CNMD: variants seen among roughly 807,000 people sequenced by gnomAD.
CNMD encodes leukocyte cell-derived chemotaxin 1.
In CNMD, 30 loss-of-function variants were observed where a neutral mutation model predicts 37.5. The observed-to-expected ratio is 0.80, with a 90% CI of 0.60 to 1.09. CNMD has a LOEUF of 1.09. Among genes scored for constraint, CNMD ranks in the 50% least tolerant of loss-of-function variants. The probability of loss-of-function intolerance (pLI) is 0.00; values close to 1 mark genes in which losing one functional copy is unlikely to be tolerated. For synonymous variants in CNMD, 167 were observed against 148.2 expected (o/e 1.13, Z -0.92); for missense variants, 398 against 423.9 (o/e 0.94, Z 0.54).
Position 52,724,030 on chromosome 13 carries a change from G to C in CNMD, c.435C>G (p.Gly145=), listed in dbSNP as rs746623684. 5.6e-6 allele frequency: 9 copies of C among 1,613,722 alleles called. No individual in the cohort carries two copies. Among genetic ancestry groups the C allele is most frequent in the Non-Finnish European group, 5.1e-6 (6 of 1,179,702 alleles). Reference sequence around the variant, plus strand: ...AGGAGATGCTCTGTTTGGTCACGGCGCCCACCTCAGGAATACGAGCCTTCA... The same window carrying C: ...AGGAGATGCTCTGTTTGGTCACGGCCCCCACCTCAGGAATACGAGCCTTCA... ...AQVKARIPEV[G]AVTKQSISSK... The change falls in exon 4 of 7, where the codon GGC becomes GGG. Residue 145 remains glycine, a synonymous_variant. Transcript: ENST00000377962.
At chr13:52,728,376 C>CA (rs56723400) in intron 3 of CNMD, among the ~76,000 whole-genome samples, 10 of 149,564 alleles carry the variant, frequency 6.7e-5, no homozygotes, top group African/African-American at 2.2e-4. Flanking sequence ...GACTCCATCT[C>CA]AAAAAAAAAA....
intron 2 of CNMD, among the ~76,000 whole-genome samples, chr13:52,735,770 G>C (rs551464096): frequency 6.6e-6 from 1 of 151,384 alleles, no homozygotes; most frequent in African/African-American, 2.4e-5. Context: ...CCGCATGCAG[G>C]ACCACAGATT....
chr13:52,708,343 G>A (rs929760883), intron 6 of CNMD, among the ~76,000 whole-genome samples, 193 bp downstream of exon 6: 14 of 152,048 alleles, frequency 9.2e-5, no homozygotes, highest in African/African-American at 3.1e-4. Context: ...CACCATGCCT[G>A]GCTAATTTTT....
At chr13:52,734,220 C>A (rs1964720503) in intron 2 of CNMD, among the ~76,000 whole-genome samples, 1 of 152,144 alleles carries the variant, frequency 6.6e-6, no homozygotes, top group African/African-American at 2.4e-5. Context: ...GAAGTTGGAC[C>A]TCATAGGTGG....
intron 6 of CNMD, among the ~76,000 whole-genome samples, chr13:52,705,989 T>G (rs1964168196): frequency 6.6e-6 from 1 of 152,242 alleles, no homozygotes; most frequent in Non-Finnish European, 1.5e-5. Flanking sequence ...CCTTTGGTTG[T>G]TTAGAAAATA....
intron 6 of CNMD, among the ~76,000 whole-genome samples, chr13:52,704,054 TAA>T (rs1217240437): frequency 6.6e-6 from 1 of 152,224 alleles, no homozygotes; most frequent in Non-Finnish European, 1.5e-5. Flanking sequence ...TTTTGTCTTT[TAA>T]AACGATATCC....
rs369990599 is a variant in CNMD at position 52,706,808 on chromosome 13, T to G, written c.789+1728A>C. On this transcript the variant is annotated intron_variant, in intron 6 of 6. Transcript: ENST00000377962. ...CAAATAGTCATTGTTAATAGTTTGC[T>G]TTGGGGAGGGTGTCTGGAGTGGAAG... 6.6e-5 allele frequency among the ~76,000 whole-genome samples: 10 copies of G among 152,208 alleles called. No individual in the cohort carries two copies. The East Asian group carries it at 1.7e-3, about 26-fold the overall frequency.
chr13:52,709,984 A>G (rs1964266172), intron 5 of CNMD, among the ~76,000 whole-genome samples: 1 of 152,154 alleles, frequency 6.6e-6, no homozygotes, highest in Non-Finnish European at 1.5e-5. Flanking sequence ...AAAAAAGTAG[A>G]AAGTACCACA....
intron 3 of CNMD, among the ~76,000 whole-genome samples, chr13:52,730,476 C>T (rs909373184): frequency 2.6e-5 from 4 of 151,866 alleles, no homozygotes; most frequent in African/African-American, 9.7e-5. Context: ...ACATCCTCTC[C>T]AGCACCTGTT....
chr13:52,714,233 C>G lies in CNMD; in HGVS notation c.469-1364G>C, dbSNP rs991519207. On this transcript the variant is annotated intron_variant, in intron 4 of 6. Transcript: ENST00000377962. ...GGCAACCATGATTGGAGCTGAAAGG[C>G]AAGATTTTAAAAAATCACAGAAATG... Among the ~76,000 whole-genome samples the G allele has an allele frequency of 2.6e-5, 4 of 152,224 alleles. No individual in the cohort carries two copies. The East Asian group carries it at 7.7e-4, about 29-fold the overall frequency.
At chr13:52,734,723 T>C (rs2138277757) in intron 2 of CNMD, among the ~76,000 whole-genome samples, 1 of 152,296 alleles carries the variant, frequency 6.6e-6, no homozygotes, top group East Asian at 1.9e-4. Flanking sequence ...TGCTACTTAA[T>C]ATCAGGTCAG....
intron 4 of CNMD, among the ~76,000 whole-genome samples, chr13:52,719,912 G>T (rs1241513663): frequency 6.6e-6 from 1 of 152,218 alleles, no homozygotes; most frequent in Non-Finnish European, 1.5e-5. Context: ...ATAATATCCT[G>T]AAGAGTGTTT....
At chr13:52,717,954 T>A (rs1594281496) in intron 4 of CNMD, among the ~76,000 whole-genome samples, 1 of 152,186 alleles carries the variant, frequency 6.6e-6, no homozygotes, top group East Asian at 1.9e-4. Flanking sequence ...AGAATTTGGC[T>A]GTGAATCCGT....
chr13:52,729,323 C>T (rs1055773767), intron 3 of CNMD, among the ~76,000 whole-genome samples: 7 of 152,160 alleles, frequency 4.6e-5, no homozygotes, highest in South Asian at 2.1e-4. Flanking sequence ...CTAATTGTCC[C>T]GGGTTGGAGG....
intron 3 of CNMD, 38 bp downstream of exon 3, chr13:52,733,181 G>C: frequency 1.2e-6 from 2 of 1,611,012 alleles, no homozygotes; most frequent in South Asian, 2.2e-5. Flanking sequence ...CCGCAGGCTT[G>C]CCTGGTTAAA....
At chr13:52,708,218 G>A (rs1021017278) in intron 6 of CNMD, among the ~76,000 whole-genome samples, 7 of 151,060 alleles carry the variant, frequency 4.6e-5, no homozygotes, top group Non-Finnish European at 1.0e-4. Context: ...GTCTCGCCCT[G>A]TCACCCAGGC....
chr13:52,731,745 A>G (rs992382012), intron 3 of CNMD, among the ~76,000 whole-genome samples: 6 of 152,246 alleles, frequency 3.9e-5, no homozygotes, highest in African/African-American at 1.4e-4. Context: ...CTCCCTTTGC[A>G]TATCTTAATA....
intron 4 of CNMD, among the ~76,000 whole-genome samples, chr13:52,716,791 A>G (rs61311520): frequency 0.041 from 6,169 of 152,256 alleles, 148 homozygotes; most frequent in South Asian, 0.065. Context: ...TGATGCCTCC[A>G]GCTTTGTTCT....
intron 4 of CNMD, among the ~76,000 whole-genome samples, chr13:52,716,808 A>C (rs1235920730): frequency 2.0e-5 from 3 of 151,982 alleles, no homozygotes; most frequent in African/African-American, 7.2e-5. Flanking sequence ...TTCTTTTTGC[A>C]TAGGATTGTC....
Sources: gnomAD v4.1 joint callset for allele counts (sites outside exome capture counted in the v4.1 genomes callset) on GRCh38, gnomAD v4.1.1 for gene constraint, MANE v1.5 for transcripts, NCBI Gene and HGNC (gene_info 2026-07-23, HGNC 2026-07-21) for gene names.